Variants in CAPN9 observed in about 807,000 individuals in gnomAD.
CAPN9 encodes calpain-9.
A neutral mutation model predicts 92.8 loss-of-function variants in CAPN9; 81 were observed. The ratio of observed to expected loss-of-function variants is 0.87; its 90% CI spans 0.73 to 1.05. The LOEUF is 1.05. CAPN9 is among the 50% of genes least tolerant of loss of function. The pLI is 0.00. For missense variants in CAPN9, 848 were observed against 866.2 expected (o/e 0.98, Z 0.26); for synonymous variants, 304 against 328.0 (o/e 0.93, Z 0.79).
intron 1 of CAPN9, among the ~76,000 whole-genome samples, chr1:230,753,678 C>T (rs1045549990): frequency 6.6e-6 from 1 of 152,138 alleles, no homozygotes; most frequent in Non-Finnish European, 1.5e-5. Context: ...CAGCCCAGGC[C>T]CCTCCTCAGT....
chr1:230,779,115 G>A lies in CAPN9; in HGVS notation c.1096G>A (p.Gly366Ser). ...GSWVRGSTAGGCRNFLDTFWT... is the reference protein window; with the variant it reads ...GSWVRGSTAGSCRNFLDTFWT... Reference sequence around the variant, plus strand: ...CTGGGTTCGCGGCTCCACGGCTGGGGGCTGCCGCAATTTCCTGGGTAGGTA... The same window carrying A: ...CTGGGTTCGCGGCTCCACGGCTGGGAGCTGCCGCAATTTCCTGGGTAGGTA... The change falls in exon 9 of 20, where the codon GGC (glycine) becomes AGC (serine). Residue 366 changes from glycine (G) to serine (S), a missense_variant. Transcript: ENST00000271971. The A allele has an allele frequency of 6.2e-7, 1 of 1,612,470 alleles. No homozygotes were observed. The highest frequency in any genetic ancestry group is 8.5e-7 in the Non-Finnish European group (1 of 1,179,862).
Position 230,792,761 on chromosome 1 carries a change from TC to T in CAPN9, c.1792-84del, listed in dbSNP as rs532422031. On this transcript the variant is annotated intron_variant, in intron 16 of 19. Transcript: ENST00000271971. Reference sequence around the variant, plus strand: ...GCCTCTGCGGCCCCTAGAGGGTAGCTCCCCCGGGCTGGCTGTCACCCATTTA... The same window carrying T: ...GCCTCTGCGGCCCCTAGAGGGTAGCTCCCCGGGCTGGCTGTCACCCATTTA... 2.4e-4 allele frequency: 263 copies of T among 1,103,038 alleles called. 4 individuals are homozygous for T. The highest frequency in any genetic ancestry group is 1.8e-3 in the Middle Eastern group (9 of 4,990). 68.3% of individuals were successfully genotyped at this position (1,103,038 alleles called of 1,614,324 possible).
rs141236501 is a variant in CAPN9, at chr1:230,792,882, C to A, written c.1824C>A (p.Ser608=). 6 of 1,613,952 alleles carry A rather than the reference C, an allele frequency of 3.7e-6. No individual in the cohort carries two copies. The African/African-American group carries it at 6.7e-5, about 18-fold the overall frequency. Residue 608 remains serine (S), a synonymous_variant, in exon 17 of 20, where the codon TCC becomes TCA. Transcript: ENST00000271971. ...TCCTTCGGTTTGATGCTGACAAGTCCGGCACCATGTCTACCTATGAACTAC... is the reference window on the plus strand; with the variant it reads ...TCCTTCGGTTTGATGCTGACAAGTCAGGCACCATGTCTACCTATGAACTAC... ...NLFLRFDADK[S]GTMSTYELRT... is the part of the protein sequence containing the mutation.
intron 14 of CAPN9, 106 bp from the exon 15 acceptor site, chr1:230,791,758 G>C: frequency 1.3e-6 from 1 of 777,592 alleles, no homozygotes; most frequent in Non-Finnish European, 2.2e-6. Context: ...CCACATCACA[G>C]CCCCCAACAG....
At chr1:230,799,761 G>A (rs28359743) in intron 19 of CAPN9, among the ~76,000 whole-genome samples, 33 of 152,208 alleles carry the variant, frequency 2.2e-4, no homozygotes, top group Admixed American at 2.2e-3. Context: ...AGCTGGGCAT[G>A]GTGGTGTGCA....
intron 11 of CAPN9, among the ~76,000 whole-genome samples, chr1:230,783,319 G>A (rs1399080250): frequency 2.0e-5 from 3 of 152,160 alleles, no homozygotes; most frequent in Non-Finnish European, 4.4e-5. Flanking sequence ...CAAGTTCTTG[G>A]TGATGGCTGA....
chr1:230,770,701 C>T (rs1307039992), intron 6 of CAPN9, among the ~76,000 whole-genome samples: 1 of 152,124 alleles, frequency 6.6e-6, no homozygotes, highest in African/African-American at 2.4e-5. Context: ...GACAAGAAGC[C>T]AAAGGTATCA....
chr1:230,791,914 A>G lies in CAPN9; in HGVS notation c.1708A>G (p.Ile570Val). 1.2e-6 allele frequency: 2 copies of G among 1,612,210 alleles called. No individual in the cohort carries two copies. The highest frequency in any genetic ancestry group is 1.7e-6 in the Non-Finnish European group (2 of 1,178,260). The part of the protein sequence containing the change: ...KLSLISCKNI[I>V]SLMDTSGNGK... Reference sequence around the variant, plus strand: ...AAGCCTGATCTCCTGTAAAAACATCATTTCCCTGATGGACGTATCCTTCCA... The same window carrying G: ...AAGCCTGATCTCCTGTAAAAACATCGTTTCCCTGATGGACGTATCCTTCCA... Residue 570 changes from isoleucine (I) to valine (V), a missense_variant, in exon 15 of 20, where the codon ATT becomes GTT. Coordinates refer to ENST00000271971, the MANE Select transcript of CAPN9 (RefSeq NM_006615.3).
intron 6 of CAPN9, 83 bp downstream of exon 6, chr1:230,769,346 A>T: frequency 2.0e-6 from 2 of 976,380 alleles, no homozygotes; most frequent in Non-Finnish European, 1.6e-6. Context: ...AGTGCATTGC[A>T]GTTTAAATGT....
intron 16 of CAPN9, 36 bp downstream of exon 16, chr1:230,792,530 AC>A: frequency 6.6e-7 from 1 of 1,505,382 alleles, no homozygotes; most frequent in Non-Finnish European, 9.3e-7. Flanking sequence ...CCTCTGGGGG[AC>A]CCAGTGAACC....
In CAPN9 at chr1:230,801,617, G is replaced by A. The variant is rs757861681; in HGVS notation, c.*21G>A. The A allele has an allele frequency of 1.2e-6, 2 of 1,611,590 alleles. No individual in the cohort carries two copies. Among genetic ancestry groups the A allele is most frequent in the Admixed American group, 1.7e-5 (1 of 59,996 alleles). ...TCTGAGGCTGCCTTGTAGAGATGCA[G>A]CCTGCCCAGCTGAATCTTGGCTTCT... On this transcript the variant is annotated 3_prime_UTR_variant, in exon 20 of 20. Transcript: ENST00000271971.
intron 11 of CAPN9, among the ~76,000 whole-genome samples, chr1:230,785,494 T>C (rs982585412): frequency 5.9e-5 from 9 of 152,144 alleles, no homozygotes; most frequent in African/African-American, 2.2e-4. Flanking sequence ...GTCTTCACGA[T>C]AGTGAGTTTG....
At chr1:230,767,230 A>T (rs1389332907) in intron 4 of CAPN9, among the ~76,000 whole-genome samples, 3 of 152,138 alleles carry the variant, frequency 2.0e-5, no homozygotes, top group Non-Finnish European at 4.4e-5. Flanking sequence ...AAATGAAGGC[A>T]CTAGCGACTT....
chr1:230,796,247 C>G (rs1413344936), intron 18 of CAPN9, among the ~76,000 whole-genome samples: 1 of 151,568 alleles, frequency 6.6e-6, no homozygotes, highest in Non-Finnish European at 1.5e-5. Flanking sequence ...ACCCCTTGAA[C>G]CTGGGAGGTG....
In CAPN9 at chr1:230,772,018, G is replaced by C. The variant is rs1456815550; in HGVS notation, c.794G>C (p.Ser265Thr). The change falls in exon 7 of 20, where the codon AGC becomes ACC. Residue 265 changes from serine (S) to threonine (T), a missense_variant. Transcript: ENST00000271971. ...CCTCATGCTTTTCCCTTCTAGGTAA[G>C]CTTCCGAGGCCAGAGAATCGAGCTC... Reference protein sequence around the residue: ...AYSVTGIDQVSFRGQRIELIR... With the variant: ...AYSVTGIDQVTFRGQRIELIR... 6.2e-7 allele frequency: 1 copy of C among 1,614,084 alleles called. No homozygotes were observed. Among genetic ancestry groups the C allele is most frequent in the Admixed American group, 1.7e-5 (1 of 60,028 alleles).
At chr1:230,774,410 C>A in intron 7 of CAPN9, 144 bp from the exon 8 acceptor site, 1 of 653,828 alleles carries the variant, frequency 1.5e-6, no homozygotes, top group Non-Finnish European at 2.8e-6. Context: ...GCCGCTACAT[C>A]CCTGGGTGCA....
intron 17 of CAPN9, 82 bp downstream of exon 17, chr1:230,793,010 T>C: frequency 9.6e-7 from 1 of 1,045,728 alleles, no homozygotes; most frequent in Non-Finnish European, 1.5e-6. Context: ...GCAGGTCTTC[T>C]CTCTGCTGCC....
At chr1:230,763,680 G>A (rs1665787084) in intron 4 of CAPN9, among the ~76,000 whole-genome samples, 1 of 152,210 alleles carries the variant, frequency 6.6e-6, no homozygotes, top group Admixed American at 6.5e-5. Flanking sequence ...CCCAGAGACA[G>A]AAGCAAGGAT....
rs376071847 is a variant in CAPN9, at chr1:230,755,473, G to A, written c.283+67G>A. The A allele has an allele frequency of 6.1e-3, 7,911 of 1,298,480 alleles. 45 individuals are homozygous for A. Among genetic ancestry groups the A allele is most frequent in the Non-Finnish European group, 7.2e-3 (6,602 of 921,652 alleles). The allele number at this position is 1,298,480 out of a possible 1,614,324, so 80.4% of individuals were successfully genotyped here. A position where few individuals can be genotyped will look rare whatever the true frequency, so the allele number is the denominator to read the frequency against. ...TCACTGGGACAGGCAAGCAACTGCA[G>A]CATGGGGTCCCTGAGGACCCAAGAG... On this transcript the variant is annotated intron_variant, in intron 2 of 19. Transcript: ENST00000271971.
Sources: gnomAD v4.1 joint callset for allele counts (sites outside exome capture counted in the v4.1 genomes callset) on GRCh38, gnomAD v4.1.1 for gene constraint, MANE v1.5 for transcripts, NCBI Gene and HGNC (gene_info 2026-07-23, HGNC 2026-07-21) for gene names.